WWOX: variants seen among roughly 807,000 people sequenced by gnomAD.
The protein encoded by WWOX is WW domain-containing oxidoreductase.
WWOX carries 69 observed loss-of-function variants against 46.2 expected under a neutral mutation model. The ratio of observed to expected loss-of-function variants is 1.49; its 90% CI spans 1.23 to 1.82. The LOEUF is 1.82. WWOX is among the 40% of genes most tolerant of loss of function. The pLI is 0.00. For missense variants in WWOX, 919 were observed against 542.6 expected (o/e 1.69, Z -6.89); for synonymous variants, 359 against 202.6 (o/e 1.77, Z -6.56).
chr16:78,368,062 C>T (rs1195053444), intron 5 of WWOX, among the ~76,000 whole-genome samples: 2 of 152,084 alleles, frequency 1.3e-5, no homozygotes, highest in African/African-American at 4.8e-5. Context: ...CGGCTTCTGC[C>T]AGCTTCTCAT....
chr16:78,288,646 C>G (rs142632514), intron 5 of WWOX, among the ~76,000 whole-genome samples: 208 of 152,222 alleles, frequency 1.4e-3, no homozygotes, highest in African/African-American at 4.8e-3. Flanking sequence ...CAAGGTCTCT[C>G]TTTATATTCC....
chr16:78,704,422 G>A (rs1426521690), intron 8 of WWOX, among the ~76,000 whole-genome samples: 1 of 152,068 alleles, frequency 6.6e-6, no homozygotes, highest in African/African-American at 2.4e-5. Context: ...TACATGTAGT[G>A]CCAACAAGAA....
At chr16:78,914,880 G>GGA (rs548808446) in intron 8 of WWOX, among the ~76,000 whole-genome samples, 3 of 69,396 alleles carry the variant, frequency 4.3e-5, no homozygotes, top group African/African-American at 1.9e-4. Flanking sequence ...CTCCGCCTCA[G>GGA]AAAAAAAAAA....
intron 8 of WWOX, among the ~76,000 whole-genome samples, chr16:78,787,536 A>G (rs1480405879): frequency 7.9e-5 from 12 of 152,180 alleles, no homozygotes; most frequent in Admixed American, 7.2e-4. Flanking sequence ...TGTTACATGG[A>G]TATACCACTT....
intron 8 of WWOX, among the ~76,000 whole-genome samples, chr16:78,904,074 A>G (rs1474931789): frequency 1.3e-5 from 2 of 152,242 alleles, no homozygotes; most frequent in East Asian, 1.9e-4. Context: ...ACCACGTACA[A>G]AAGGGATCAG....
chr16:78,154,780 A>C (rs1183187658), intron 4 of WWOX, among the ~76,000 whole-genome samples: 1 of 152,160 alleles, frequency 6.6e-6, no homozygotes, highest in African/African-American at 2.4e-5. Context: ...CATGGTTTAA[A>C]TAAAATCTCA....
intron 5 of WWOX, among the ~76,000 whole-genome samples, chr16:78,378,133 A>T (rs942375956): frequency 6.6e-6 from 1 of 151,946 alleles, no homozygotes; most frequent in Admixed American, 6.6e-5. Flanking sequence ...CCCCTGCCTA[A>T]AAAAAAGGAA....
intron 8 of WWOX, among the ~76,000 whole-genome samples, chr16:79,180,951 T>C (rs570632295): frequency 8.5e-5 from 13 of 152,368 alleles, no homozygotes; most frequent in African/African-American, 2.9e-4. Flanking sequence ...TCCAGGCACA[T>C]GCATTTTAAT....
intron 8 of WWOX, among the ~76,000 whole-genome samples, chr16:79,187,141 C>T (rs79033357): frequency 0.021 from 3,184 of 152,284 alleles, 127 homozygotes; most frequent in African/African-American, 0.072. Context: ...GTTCAAATCC[C>T]AGCTCCACCA....
intron 8 of WWOX, among the ~76,000 whole-genome samples, chr16:78,923,353 A>G (rs1447066402): frequency 6.6e-6 from 1 of 152,038 alleles, no homozygotes; most frequent in Non-Finnish European, 1.5e-5. Context: ...ATCATTATCA[A>G]CATCATTATT....
intron 8 of WWOX, among the ~76,000 whole-genome samples, chr16:78,766,164 A>G (rs377650046): frequency 6.6e-5 from 10 of 152,342 alleles, no homozygotes; most frequent in Middle Eastern, 3.4e-3. Flanking sequence ...TCCATTTGCC[A>G]GGGGCAGGAC....
At chr16:78,695,598 A>G (rs529501618) in intron 8 of WWOX, among the ~76,000 whole-genome samples, 40 of 152,308 alleles carry the variant, frequency 2.6e-4, no homozygotes, top group African/African-American at 7.7e-4. Flanking sequence ...GAGCAGAGCC[A>G]TGCTGGCAAG....
intron 5 of WWOX, among the ~76,000 whole-genome samples, chr16:78,230,642 A>C (rs566424839): frequency 1.3e-5 from 2 of 152,218 alleles, no homozygotes; most frequent in African/African-American, 2.4e-5. Context: ...GGTAATTCGC[A>C]AAGGTTTTCA....
chr16:78,625,122 C>G (rs550229502), intron 8 of WWOX, among the ~76,000 whole-genome samples: 2 of 152,328 alleles, frequency 1.3e-5, no homozygotes, highest in East Asian at 3.9e-4. Flanking sequence ...GCTGCCATTC[C>G]TAAGCTACTA....
intron 8 of WWOX, among the ~76,000 whole-genome samples, chr16:78,930,369 C>T (rs572717811): frequency 1.3e-5 from 2 of 151,104 alleles, no homozygotes; most frequent in African/African-American, 4.9e-5. Context: ...CCTCAACCTC[C>T]TGGGCTCAGG....
chr16:78,438,221 T>A (rs1477462740), intron 8 of WWOX, among the ~76,000 whole-genome samples: 2 of 152,192 alleles, frequency 1.3e-5, no homozygotes, highest in Non-Finnish European at 2.9e-5. Flanking sequence ...AGTTCTACAA[T>A]CTTAGAATTA....
chr16:79,024,286 C>A (rs539405996), intron 8 of WWOX, among the ~76,000 whole-genome samples: 1 of 152,104 alleles, frequency 6.6e-6, no homozygotes, highest in Non-Finnish European at 1.5e-5. Flanking sequence ...AGGGACAGGG[C>A]CTTACGCTGC....
chr16:78,228,514 G>T (rs2037144797), intron 5 of WWOX, among the ~76,000 whole-genome samples: 3 of 151,854 alleles, frequency 2.0e-5, no homozygotes, highest in Non-Finnish European at 4.4e-5. Context: ...ACTAACTTTT[G>T]TATTTTTTGT....
At chr16:79,169,255 G>C (rs2050654685) in intron 8 of WWOX, among the ~76,000 whole-genome samples, 2 of 134,360 alleles carry the variant, frequency 1.5e-5, no homozygotes, top group South Asian at 6.4e-4. Flanking sequence ...ACAGTAGTTT[G>C]TTTTTAGCAC....
Sources: gnomAD v4.1 joint callset for allele counts (sites outside exome capture counted in the v4.1 genomes callset) on GRCh38, gnomAD v4.1.1 for gene constraint, MANE v1.5 for transcripts, NCBI Gene and HGNC (gene_info 2026-07-23, HGNC 2026-07-21) for gene names.